The following KCNH1 variants were observed in gnomAD, a reference collection of about 807,000 sequenced individuals.
The protein encoded by KCNH1 is voltage-gated delayed rectifier potassium channel KCNH1.
A neutral mutation model predicts 69.2 loss-of-function variants in KCNH1; 27 were observed. The observed-to-expected ratio is 0.39, with a 90% confidence interval of 0.29 to 0.54. The LOEUF (loss-of-function observed/expected upper bound fraction) is 0.54. Ranked by LOEUF, KCNH1 falls within the 20% of genes least tolerant of loss-of-function variation. KCNH1 has a pLI of 0.68. For missense variants in KCNH1, 798 were observed against 1,261.6 expected, an observed-to-expected ratio of 0.63 and a Z score of 5.57; for synonymous variants, 456 against 487.7, an observed-to-expected ratio of 0.93 and a Z score of 0.86.
intron 10 of KCNH1, among the ~76,000 whole-genome samples, chr1:210,695,583 A>C (rs1372767293): frequency 1.3e-5 from 2 of 152,200 alleles, no homozygotes; most frequent in African/African-American, 4.8e-5. Flanking sequence ...TCCTTGCTAG[A>C]ATAAACCCTG....
chr1:210,991,468 G>GGA, intron 6 of KCNH1, among the ~76,000 whole-genome samples: 1 of 152,226 alleles, frequency 6.6e-6, no homozygotes, highest in East Asian at 1.9e-4. Context: ...CAGGGGGAGT[G>GGA]GAGGAGATGT....
intron 6 of KCNH1, among the ~76,000 whole-genome samples, chr1:210,966,758 A>G (rs559795192): frequency 2.6e-5 from 4 of 152,236 alleles, no homozygotes; most frequent in Non-Finnish European, 4.4e-5. Flanking sequence ...ACGCTTTTAC[A>G]CTGTTGGTGG....
At chr1:210,778,559 G>A (rs1421567647) in intron 9 of KCNH1, among the ~76,000 whole-genome samples, 5 of 149,734 alleles carry the variant, frequency 3.3e-5, no homozygotes, top group Admixed American at 6.6e-5. Context: ...TTACCTGCCA[G>A]GTTACGTAAT....
intron 7 of KCNH1, among the ~76,000 whole-genome samples, chr1:210,885,925 C>T (rs1558511166): frequency 6.6e-6 from 1 of 152,198 alleles, no homozygotes; most frequent in African/African-American, 2.4e-5. Flanking sequence ...TCCCATATCC[C>T]TGGGACAGAG....
chr1:210,991,636 A>T (rs1318519015), intron 6 of KCNH1, among the ~76,000 whole-genome samples: 1 of 139,898 alleles, frequency 7.1e-6, no homozygotes, highest in Non-Finnish European at 1.5e-5. Flanking sequence ...CACACACATA[A>T]CACATACACA....
At chr1:210,872,149 C>CAAAAAAAAAAAAAAAAA (rs60497732) in intron 7 of KCNH1, among the ~76,000 whole-genome samples, 1 of 77,704 alleles carries the variant, frequency 1.3e-5, no homozygotes, top group Non-Finnish European at 2.6e-5. Flanking sequence ...GGAAGAGCAC[C>CAAAAAAAAAAAAAAAAA]AAAAAAAAAA....
At chr1:210,849,469 C>T (rs189705746) in intron 7 of KCNH1, among the ~76,000 whole-genome samples, 5 of 150,552 alleles carry the variant, frequency 3.3e-5, no homozygotes, top group African/African-American at 7.3e-5. Context: ...CGGGTTCAAG[C>T]GATTCTCATG....
intron 6 of KCNH1, among the ~76,000 whole-genome samples, chr1:210,961,428 C>T (rs915002708): frequency 7.9e-5 from 12 of 151,958 alleles, no homozygotes; most frequent in South Asian, 2.1e-4. Flanking sequence ...AAAACCCATT[C>T]GACATGTTTT....
intron 7 of KCNH1, among the ~76,000 whole-genome samples, chr1:210,838,156 T>C (rs951672751): frequency 5.9e-5 from 9 of 152,008 alleles, no homozygotes; most frequent in Admixed American, 4.6e-4. Flanking sequence ...CATAGACCAG[T>C]AGAATAGAAT....
chr1:210,918,512 T>G (rs891622731), intron 7 of KCNH1, among the ~76,000 whole-genome samples: 1 of 152,198 alleles, frequency 6.6e-6, no homozygotes, highest in African/African-American at 2.4e-5. Flanking sequence ...TAAGACTCCC[T>G]TTAATGAAGG....
At chr1:211,071,441 C>T (rs1449171956) in intron 5 of KCNH1, among the ~76,000 whole-genome samples, 2 of 152,154 alleles carry the variant, frequency 1.3e-5, no homozygotes, top group African/African-American at 2.4e-5. Context: ...GGATTAGCGT[C>T]ACAACATTTA....
At chr1:210,943,431 C>A (rs145534844) in intron 6 of KCNH1, among the ~76,000 whole-genome samples, 5,656 of 152,168 alleles carry the variant, frequency 0.037, 366 homozygotes, top group African/African-American at 0.13. Context: ...TCACTGCAAG[C>A]TCTGCCTCCC....
At chr1:210,910,147 A>G (rs562368014) in intron 7 of KCNH1, among the ~76,000 whole-genome samples, 3 of 151,314 alleles carry the variant, frequency 2.0e-5, no homozygotes, top group Admixed American at 6.6e-5. Context: ...GTCTTTTGAC[A>G]CATGGTAAAC....
chr1:210,701,249 T>C (rs1180504773), intron 10 of KCNH1, among the ~76,000 whole-genome samples: 2 of 152,258 alleles, frequency 1.3e-5, no homozygotes, highest in South Asian at 4.1e-4. Flanking sequence ...TTTTATTTTT[T>C]TGGTAGGAGA....
chr1:210,938,423 G>GT (rs1426035100), intron 6 of KCNH1, among the ~76,000 whole-genome samples: 1 of 152,116 alleles, frequency 6.6e-6, no homozygotes, highest in African/African-American at 2.4e-5. Flanking sequence ...AATTTATTCA[G>GT]TTTTTTAAAT....
At chr1:210,818,880 T>A (rs1013705628) in intron 7 of KCNH1, among the ~76,000 whole-genome samples, 1 of 152,238 alleles carries the variant, frequency 6.6e-6, no homozygotes. Context: ...GGTTTACCTA[T>A]AGCCAGCAGT....
intron 10 of KCNH1, among the ~76,000 whole-genome samples, chr1:210,757,234 A>G (rs550915219): frequency 3.9e-5 from 6 of 152,176 alleles, no homozygotes; most frequent in Admixed American, 2.0e-4. Flanking sequence ...GCTACCACCT[A>G]TGGGCATCTG....
intron 7 of KCNH1, among the ~76,000 whole-genome samples, chr1:210,813,832 T>C (rs1684758720): frequency 1.3e-5 from 2 of 152,310 alleles, no homozygotes; most frequent in South Asian, 4.1e-4. Context: ...GAAGGGTAAC[T>C]GAATCATGGG....
At chr1:210,861,488 G>T in intron 7 of KCNH1, 1 of 774,582 alleles carries the variant, frequency 1.3e-6, no homozygotes, top group East Asian at 2.4e-5. Flanking sequence ...AATATGTAAG[G>T]CCCACTTCTT....
Sources: gnomAD v4.1 joint callset for allele counts (sites outside exome capture counted in the v4.1 genomes callset) on GRCh38, gnomAD v4.1.1 for gene constraint, MANE v1.5 for transcripts, NCBI Gene and HGNC (gene_info 2026-07-23, HGNC 2026-07-21) for gene names.